The following CENPK variants were observed in gnomAD, a reference collection of about 807,000 sequenced individuals.
The protein encoded by CENPK is centromere protein K, also known as SoxLZ/Sox6-binding protein Solt.
A neutral mutation model predicts 40.9 loss-of-function variants in CENPK; 46 were observed. The ratio of observed to expected loss-of-function variants is 1.13; its 90% CI spans 0.89 to 1.44. The LOEUF (loss-of-function observed/expected upper bound fraction) is 1.44, where lower values mean the gene tolerates loss of function less well. Among genes scored for constraint, CENPK ranks in the 40% most tolerant of loss-of-function variants. The pLI is 0.00. For missense variants in CENPK, 288 were observed against 303.5 expected (o/e 0.95, Z 0.38); for synonymous variants, 107 against 104.4 (o/e 1.02, Z -0.15).
intron 6 of CENPK, among the ~76,000 whole-genome samples, chr5:65,537,495 G>A (rs1218791107): frequency 2.0e-5 from 3 of 152,060 alleles, no homozygotes; most frequent in East Asian, 1.9e-4. Context: ...TAGTAGAGAC[G>A]GGGTTTCGCC....
Position 65,542,816 on chromosome 5 carries a change from A to C in CENPK, c.274T>G (p.Leu92Val). Residue 92 changes from leucine to valine, a missense_variant, in exon 6 of 11, where the codon TTA becomes GTA. Transcript: ENST00000396679. The part of the protein sequence containing the change: ...IPLTEDVLIT[L>V]GKEEFQKLRQ... ...GAGTGGCTTACCTCTTCTTTTCCTA[A>C]TGTTATGAGAACGTCTTCAGTCAAG... is the stretch of plus-strand genomic sequence containing the variant. 1 of 1,610,230 alleles carries C rather than the reference A, an allele frequency of 6.2e-7. No individual in the cohort carries two copies. Among genetic ancestry groups the C allele is most frequent in the Non-Finnish European group, 8.5e-7 (1 of 1,178,400 alleles).
intron 5 of CENPK, among the ~76,000 whole-genome samples, chr5:65,546,705 TAGGCGATTAGGACACAGA>T (rs1470058048): frequency 6.6e-6 from 1 of 151,888 alleles, no homozygotes; most frequent in African/African-American, 2.4e-5. Flanking sequence ...CTAATAAGAG[TAGGCGATTAGGACACAGA>T]AGGAAGACCA....
chr5:65,561,564 C>T lies in CENPK; in HGVS notation c.-141G>A, dbSNP rs548499564. 77 of 450,776 alleles carry T rather than the reference C, an allele frequency of 1.7e-4. No homozygotes were observed. The highest frequency in any genetic ancestry group is 3.9e-4 in the Admixed American group (16 of 41,104). 27.9% of individuals were successfully genotyped at this position (450,776 alleles called of 1,614,324 possible). ...AGATCTTGAATCTCCAGCCTCTAGA[C>T]CTGTGAGAAATAAATTTCAGTTGTT... On this transcript the variant is annotated splice_region_variant and 5_prime_UTR_variant, in exon 2 of 11. Transcript: ENST00000396679.
At chr5:65,496,760 T>TAAAAATAA in the CENPK span, among the ~76,000 whole-genome samples, 1 of 151,962 alleles carries the variant, frequency 6.6e-6, no homozygotes, top group Admixed American at 6.6e-5. Context: ...ATTTTTACTA[T>TAAAAATAA]AAAAATAAAA....
At chr5:65,544,155 G>A (rs750886170) in intron 5 of CENPK, among the ~76,000 whole-genome samples, 30 of 152,284 alleles carry the variant, frequency 2.0e-4, no homozygotes, top group Non-Finnish European at 3.5e-4. Flanking sequence ...CCTTGGAAGG[G>A]TTTGCTCTCT....
chr5:65,505,565 C>G, the CENPK span, among the ~76,000 whole-genome samples: 5 of 152,168 alleles, frequency 3.3e-5, no homozygotes, highest in African/African-American at 4.8e-5. Flanking sequence ...CACTTGAGCT[C>G]AAGAGGTTGA....
rs1346222240 is a variant in CENPK at position 65,518,621 on chromosome 5, T to C, written c.664A>G (p.Arg222Gly). 10 of 1,575,168 alleles carry C rather than the reference T, an allele frequency of 6.3e-6. No homozygotes were observed. Among genetic ancestry groups the C allele is most frequent in the Non-Finnish European group, 8.7e-6 (10 of 1,152,706 alleles). The change falls in exon 11 of 11, where the codon AGA (arginine) becomes GGA (glycine). Residue 222 changes from arginine (R) to glycine (G), a missense_variant. Physicochemically the swap from Arg to Gly is moderately radical, Grantham distance 125 (BLOSUM62 -2). Coordinates refer to ENST00000396679, the MANE Select transcript of CENPK (RefSeq NM_022145.5). ...LHEMLEILIN[R>G]LFDVPHDPYV... ...GGATCATGTGGAACATCAAATAATCTATTTATAAGAATCTAGGAGAAAATA... is the reference window on the plus strand; with the variant it reads ...GGATCATGTGGAACATCAAATAATCCATTTATAAGAATCTAGGAGAAAATA...
chr5:65,512,138 T>C, the CENPK span, among the ~76,000 whole-genome samples: 2 of 152,208 alleles, frequency 1.3e-5, no homozygotes, highest in Non-Finnish European at 2.9e-5. Context: ...AATCTCATGA[T>C]ACAACTTGAA....
intron 6 of CENPK, among the ~76,000 whole-genome samples, chr5:65,542,171 G>A (rs1423116745): frequency 6.6e-6 from 1 of 152,156 alleles, no homozygotes; most frequent in Non-Finnish European, 1.5e-5. Context: ...TGGATTTTGG[G>A]AGACACAAAT....
chr5:65,552,694 A>G (rs566313139), intron 3 of CENPK, 145 bp from the exon 4 acceptor site: 11 of 453,990 alleles, frequency 2.4e-5, no homozygotes, highest in Non-Finnish European at 4.3e-5. Flanking sequence ...ATTCCTCACT[A>G]TGTAAGACGA....
At chr5:65,540,516 G>A (rs1025878610) in intron 6 of CENPK, among the ~76,000 whole-genome samples, 4 of 152,120 alleles carry the variant, frequency 2.6e-5, no homozygotes, top group Admixed American at 2.6e-4. Context: ...CATAAAAAAA[G>A]ACCAAAACCT....
intron 10 of CENPK, among the ~76,000 whole-genome samples, chr5:65,520,514 A>G (rs1463771078): frequency 6.6e-6 from 1 of 152,226 alleles, no homozygotes; most frequent in African/African-American, 2.4e-5. Context: ...TTTTATTAAA[A>G]AAAAAGGTTA....
Position 65,518,535 on chromosome 5 carries a change from TC to T in CENPK, c.749del (p.Gly250GlufsTer4). On this transcript the variant is annotated frameshift_variant, in exon 11 of 11. Transcript: ENST00000396679. LOFTEE classifies it high-confidence loss of function. ...PPYVELLLRN[G>X]IALRHPEDPT... ...GATCTTCTGGATGTCTCAAGGCAAT[TC>T]CATTACGCAGCAGCAGCTCAACATA... 6.2e-7 allele frequency: 1 copy of T among 1,613,524 alleles called. No individual in the cohort carries two copies. Among genetic ancestry groups the T allele is most frequent in the East Asian group, 2.2e-5 (1 of 44,836 alleles).
At chr5:65,556,835 C>A (rs374181116) in intron 2 of CENPK, among the ~76,000 whole-genome samples, 1 of 151,992 alleles carries the variant, frequency 6.6e-6, no homozygotes. Context: ...TTTACTGTAC[C>A]GTTTCTATGT....
chr5:65,545,346 A>G (rs1011323199), intron 5 of CENPK, among the ~76,000 whole-genome samples: 23 of 139,874 alleles, frequency 1.6e-4, no homozygotes, highest in East Asian at 6.5e-4. Context: ...ACACACACAC[A>G]CACACACACA....
chr5:65,545,637 GA>G lies in CENPK; in HGVS notation c.242-2790del, dbSNP rs202086627. Among the ~76,000 whole-genome samples the G allele has an allele frequency of 3.4e-4, 51 of 152,176 alleles. No homozygotes were observed. The East Asian group carries it at 9.6e-3, about 29-fold the overall frequency. The stretch of plus-strand genomic sequence containing the variant: ...GTTCTTGAAACAGAAACAATAAAAG[GA>G]ATTTTAGAAGATCAGGAAGGAAGAA... On this transcript the variant is annotated intron_variant, in intron 5 of 10. Coordinates refer to ENST00000396679, the MANE Select transcript of CENPK (RefSeq NM_022145.5).
downstream of CENPK, among the ~76,000 whole-genome samples, chr5:65,513,485 A>G (rs971326033): frequency 6.6e-6 from 1 of 152,166 alleles, no homozygotes; most frequent in Non-Finnish European, 1.5e-5. Flanking sequence ...AGACTTTTGT[A>G]GTTTTCCATA....
Position 65,529,791 on chromosome 5 carries a change from AC to A in CENPK, c.289-593del, listed in dbSNP as rs201316698. 4.8e-4 allele frequency: 71 copies of A among 147,026 alleles called. 4 individuals carry two copies. The East Asian group carries it at 0.014, about 28-fold the overall frequency. The allele number at this position is 147,026 out of a possible 1,614,324, so 9.1% of individuals were successfully genotyped here. On this transcript the variant is annotated intron_variant, in intron 6 of 10. Transcript: ENST00000396679. ...GTGAGCCACCGTGCCCGGCCCAGGT[AC>A]CTTTTCTTTTATTTTTTATTTTTAT...
At chr5:65,507,003 T>C in the CENPK span, among the ~76,000 whole-genome samples, 1 of 152,170 alleles carries the variant, frequency 6.6e-6, no homozygotes, top group African/African-American at 2.4e-5. Context: ...GAAGGAAAAT[T>C]TATTATCTTA....
Sources: gnomAD v4.1 joint callset for allele counts (sites outside exome capture counted in the v4.1 genomes callset) on GRCh38, gnomAD v4.1.1 for gene constraint, MANE v1.5 for transcripts, NCBI Gene and HGNC (gene_info 2026-07-23, HGNC 2026-07-21) for gene names.